ASB13: variants seen among roughly 807,000 people sequenced by gnomAD.
The protein encoded by ASB13 is ankyrin repeat and SOCS box containing 13.
A neutral mutation model predicts 28.8 loss-of-function variants in ASB13; 33 were observed. The observed-to-expected ratio is 1.15, with a 90% CI of 0.87 to 1.53. The LOEUF (loss-of-function observed/expected upper bound fraction) is 1.53. Ranked by LOEUF, ASB13 falls within the 40% of genes most tolerant of loss-of-function variation. The pLI, the probability that ASB13 is intolerant of heterozygous loss-of-function variation, is 0.00. For missense variants in ASB13, 414 were observed against 390.1 expected (o/e 1.06, Z -0.52); for synonymous variants, 182 against 172.9 (o/e 1.05, Z -0.41).
rs759157435 is a variant in ASB13, at chr10:5,641,982, A to G, written c.518-21T>C. On this transcript the variant is annotated intron_variant, in intron 4 of 5. Transcript: ENST00000357700. This position sits in a 1 kb window ranked among gnomAD's most constrained non-coding sequence, Gnocchi z 8.4. The stretch of plus-strand genomic sequence containing the variant: ...GGCCCCTGGAGGTCAAGAGTGCAGA[A>G]GAGATTTCACCAAGAAGAGAACTTG... The G allele has an allele frequency of 9.4e-6, 15 of 1,589,316 alleles. No homozygotes were observed. In the African/African-American group the frequency reaches 1.7e-4, roughly 18 times the overall value.
In ASB13 at chr10:5,641,887, TG is replaced by T. The variant is rs778600650; in HGVS notation, c.591del (p.Ile198SerfsTer43). 5 of 1,614,098 alleles carry T rather than the reference TG, an allele frequency of 3.1e-6. No individual in the cohort carries two copies. The South Asian group carries it at 5.5e-5, about 18-fold the overall frequency. On this transcript the variant is annotated frameshift_variant, in exon 5 of 6. Coordinates refer to ENST00000357700, the MANE Select transcript of ASB13 (RefSeq NM_024701.4). LOFTEE classifies it high-confidence loss of function. The surrounding 1 kb of genome is among the most constrained non-coding windows in gnomAD (Gnocchi z 8.4). ...CCGCCAAACTCGATAAGCATCTCGA[TG>T]AGGTCAACATTCTTGACCTTGGCCG... is the stretch of plus-strand genomic sequence containing the variant. ...HHAAKVKNVD[L>X]IEMLIEFGGN... is the part of the protein sequence containing the mutation.
Position 5,640,770 on chromosome 10 carries a change from C to T in ASB13, c.770G>A (p.Arg257Gln), listed in dbSNP as rs985893951. 8.7e-6 allele frequency: 14 copies of T among 1,613,992 alleles called. No homozygotes were observed. The African/African-American group carries it at 9.3e-5, about 11-fold the overall frequency. ...TAACTTGGCAATCTTCTCCAGCCCT[C>T]GGACGCCAGTGGCCTTCCTCAAGTT... ...RVNLRKATGV[R>Q]GLEKIAKLNI... The change falls in exon 6 of 6, where the codon CGA becomes CAA. Residue 257 changes from arginine to glutamine, a missense_variant. Physicochemically the swap from Arg to Gln is conservative, Grantham distance 43. Coordinates refer to ENST00000357700, the MANE Select transcript of ASB13 (RefSeq NM_024701.4).
chr10:5,658,843 G>A lies in ASB13; in HGVS notation c.44-5793C>T, dbSNP rs1466083447. On this transcript the variant is annotated intron_variant, in intron 1 of 5. Coordinates refer to ENST00000357700, the MANE Select transcript of ASB13 (RefSeq NM_024701.4). This position sits in a 1 kb window ranked among gnomAD's most constrained non-coding sequence, Gnocchi z 4.2. ...ATTTACAGTGGGGAAGGGAGGGATA[G>A]AAGGCTAGAGGACAGCAGGTGCCTG... Among the ~76,000 whole-genome samples, 1 of 152,192 alleles carries A rather than the reference G, an allele frequency of 6.6e-6. No homozygotes were observed. The highest frequency in any genetic ancestry group is 2.4e-5 in the African/African-American group (1 of 41,436).
intron 1 of ASB13, among the ~76,000 whole-genome samples, chr10:5,662,565 G>GGAGAGGAGAAGAGAAGAGAA (rs1835187934): frequency 1.4e-4 from 2 of 14,584 alleles, no homozygotes; most frequent in African/African-American, 7.7e-4. Flanking sequence ...GGAGGGGAGG[G>GGAGAGGAGAAGAGAAGAGAA]GAGAAGAGAA....
At position 5,664,467 on chromosome 10, in the gene ASB13, G is replaced by C. The variant is rs1200677044; in HGVS notation, c.43+2042C>G. Among the ~76,000 whole-genome samples the C allele has an allele frequency of 2.6e-5, 4 of 152,072 alleles. No individual in the cohort carries two copies. The highest frequency in any genetic ancestry group is 1.3e-4 in the Admixed American group (2 of 15,276). On this transcript the variant is annotated intron_variant, in intron 1 of 5. Coordinates refer to ENST00000357700, the MANE Select transcript of ASB13 (RefSeq NM_024701.4). This position sits in a 1 kb window ranked among gnomAD's most constrained non-coding sequence, Gnocchi z 4.2. ...AGAAAAGCAAGACATTACACAAAAA[G>C]AGAAACATAGTCCCCACATAGCAAG...
Position 5,641,236 on chromosome 10 carries a change from G to A in ASB13, c.710-406C>T, listed in dbSNP as rs1040111209. ...CCTGCCTCAACCTCCCGAGTAGCTG[G>A]GATTACAGGCACCCACCACCATGCC... On this transcript the variant is annotated intron_variant, in intron 5 of 5. Coordinates refer to ENST00000357700, the MANE Select transcript of ASB13 (RefSeq NM_024701.4). The surrounding 1 kb of genome is among the most constrained non-coding windows in gnomAD (Gnocchi z 8.4). Among the ~76,000 whole-genome samples the A allele has an allele frequency of 6.6e-6, 1 of 152,024 alleles. No individual in the cohort carries two copies. The highest frequency in any genetic ancestry group is 2.4e-5 in the African/African-American group (1 of 41,356).
Position 5,648,945 on chromosome 10 carries a change from C to A in ASB13, c.517+25G>T, listed in dbSNP as rs534755320. ...GGGCAAACACCCACTCAGGTAAACA[C>A]CCGCTCGGGCAAACACCCACTCACC... On this transcript the variant is annotated intron_variant, in intron 4 of 5. Coordinates refer to ENST00000357700, the MANE Select transcript of ASB13 (RefSeq NM_024701.4). The A allele has an allele frequency of 2.5e-5, 40 of 1,611,722 alleles. No individual in the cohort carries two copies. In the South Asian group the frequency reaches 3.3e-4, roughly 13 times the overall value.
In ASB13 at chr10:5,651,537, A is replaced by T. The variant is rs1452571995; in HGVS notation, c.232-174T>A. On this transcript the variant is annotated intron_variant, in intron 2 of 5. Coordinates refer to ENST00000357700, the MANE Select transcript of ASB13 (RefSeq NM_024701.4). The surrounding 1 kb of genome is among the most constrained non-coding windows in gnomAD (Gnocchi z 5.1). ...GATAGCACGTGGCTGCGGAGCACCGACGGCCTCCTGAGTAGAGAAGTCATC... is the reference window on the plus strand; with the variant it reads ...GATAGCACGTGGCTGCGGAGCACCGTCGGCCTCCTGAGTAGAGAAGTCATC... 4.5e-6 allele frequency: 3 copies of T among 666,422 alleles called. No individual in the cohort carries two copies. The highest frequency in any genetic ancestry group is 4.0e-5 in the South Asian group (2 of 49,814). The allele number at this position is 666,422 out of a possible 1,614,324, so 41.3% of individuals were successfully genotyped here. A position where few individuals can be genotyped will look rare whatever the true frequency, so the allele number is the denominator to read the frequency against.
In ASB13 at chr10:5,642,508, T is replaced by C. The variant is rs543517762; in HGVS notation, c.518-547A>G. On this transcript the variant is annotated intron_variant, in intron 4 of 5. Transcript: ENST00000357700. The surrounding 1 kb of genome is among the most constrained non-coding windows in gnomAD (Gnocchi z 4.1). ...AGGCAATTCAGAGAAGAGAGTAAGC[T>C]CTGCACTCCTCAACTTTCTCACGAT... 1,429 of 1,241,272 alleles carry C rather than the reference T, an allele frequency of 1.2e-3. No homozygotes were observed. The highest frequency in any genetic ancestry group is 1.4e-3 in the Non-Finnish European group (1,389 of 974,470). 76.9% of individuals were successfully genotyped at this position (1,241,272 alleles called of 1,614,324 possible). A position where few individuals can be genotyped will look rare whatever the true frequency, so the allele number is the denominator to read the frequency against.
rs187708800 is a variant in ASB13, at chr10:5,659,607, C to G, written c.44-6557G>C. ...CCCACCTTGCTTCCGGCTGAAATTCCTCGACTGAGGGGACCCCTGCTCCTT... is the reference window on the plus strand; with the variant it reads ...CCCACCTTGCTTCCGGCTGAAATTCGTCGACTGAGGGGACCCCTGCTCCTT... On this transcript the variant is annotated intron_variant, in intron 1 of 5. Coordinates refer to ENST00000357700, the MANE Select transcript of ASB13 (RefSeq NM_024701.4). This position sits in a 1 kb window ranked among gnomAD's most constrained non-coding sequence, Gnocchi z 5.8. Among the ~76,000 whole-genome samples, 1 of 152,138 alleles carries G rather than the reference C, an allele frequency of 6.6e-6. No individual in the cohort carries two copies. Among genetic ancestry groups the G allele is most frequent in the Non-Finnish European group, 1.5e-5 (1 of 68,008 alleles).
rs1835233428 is a variant in ASB13 at position 5,664,930 on chromosome 10, T to C, written c.43+1579A>G. Among the ~76,000 whole-genome samples, 2 of 151,868 alleles carry C rather than the reference T, an allele frequency of 1.3e-5. No homozygotes were observed. The highest frequency in any genetic ancestry group is 1.3e-4 in the Admixed American group (2 of 15,248). The stretch of plus-strand genomic sequence containing the variant: ...GGAGTGCAATGGCCCAATCTCGGCT[T>C]ACTGCAACCTCTGCCTTCCAGGTTC... On this transcript the variant is annotated intron_variant, in intron 1 of 5. Coordinates refer to ENST00000357700, the MANE Select transcript of ASB13 (RefSeq NM_024701.4). This position sits in a 1 kb window ranked among gnomAD's most constrained non-coding sequence, Gnocchi z 4.2.
chr10:5,648,484 A>ACTCAGGCAAACACCCC (rs1398439014), intron 4 of ASB13, among the ~76,000 whole-genome samples: 2 of 145,516 alleles, frequency 1.4e-5, no homozygotes, highest in Non-Finnish European at 3.0e-5. Context: ...GTAAACACCC[A>ACTCAGGCAAACACCCC]CTCGGGCAAA....
Position 5,649,177 on chromosome 10 carries a change from CA to C in ASB13, c.383-74del. 1 of 1,585,054 alleles carries C rather than the reference CA, an allele frequency of 6.3e-7. No homozygotes were observed. Among genetic ancestry groups the C allele is most frequent in the Non-Finnish European group, 8.6e-7 (1 of 1,164,248 alleles). ...GGAGACAACAAGCACACAGACGCGGCAGGGGCAGCAGCCTCCATCCTTGGTG... is the reference window on the plus strand; with the variant it reads ...GGAGACAACAAGCACACAGACGCGGCGGGGCAGCAGCCTCCATCCTTGGTG... On this transcript the variant is annotated intron_variant, in intron 3 of 5. Coordinates refer to ENST00000357700, the MANE Select transcript of ASB13 (RefSeq NM_024701.4). The surrounding 1 kb of genome is among the most constrained non-coding windows in gnomAD (Gnocchi z 6.4).
rs781109308 is a variant in ASB13, at chr10:5,652,952, C to G, written c.142G>C (p.Val48Leu). ...AGGGGCGTGATGGAGTCCACGGTGA[C>G]CTGGTTCACGCAGGCGCCGCTCTCG... ...LIESGACVNQ[V>L]TVDSITPLHA... is the part of the protein sequence containing the mutation. The change falls in exon 2 of 6, where the codon GTC becomes CTC. Residue 48 changes from valine to leucine, a missense_variant. Transcript: ENST00000357700. This position sits in a 1 kb window ranked among gnomAD's most constrained non-coding sequence, Gnocchi z 5.0. 6.3e-7 allele frequency: 1 copy of G among 1,577,670 alleles called. No homozygotes were observed. Among genetic ancestry groups the G allele is most frequent in the South Asian group, 1.2e-5 (1 of 85,900 alleles).
intron 1 of ASB13, among the ~76,000 whole-genome samples, chr10:5,653,401 C>T (rs1332784773): frequency 6.6e-6 from 1 of 152,368 alleles, no homozygotes. Flanking sequence ...CAATTGTCCA[C>T]TCTGCAATTT....
At position 5,655,416 on chromosome 10, in the gene ASB13, G is replaced by T. The variant is rs541305502; in HGVS notation, c.44-2366C>A. Among the ~76,000 whole-genome samples, 1 of 152,224 alleles carries T rather than the reference G, an allele frequency of 6.6e-6. No homozygotes were observed. The highest frequency in any genetic ancestry group is 6.5e-5 in the Admixed American group (1 of 15,286). On this transcript the variant is annotated intron_variant, in intron 1 of 5. Transcript: ENST00000357700. The surrounding 1 kb of genome is among the most constrained non-coding windows in gnomAD (Gnocchi z 6.2). ...TATGAACATTCAGTGAATTGAAATA[G>T]GTAGATGCACTTAAAGGGTGGGGCC... is the stretch of plus-strand genomic sequence containing the variant.
At position 5,641,830 on chromosome 10, in the gene ASB13, T is replaced by C. The variant is rs1834811667; in HGVS notation, c.649A>G (p.Lys217Glu). Reference protein sequence around the residue: ...NIYARDNRGKKPSDYTWSSSA... With the variant: ...NIYARDNRGKEPSDYTWSSSA... ...CTGCTCCACGTGTAGTCAGACGGCT[T>C]CTTCCCGCGGTTGTCCCGGGCGTAG... The change falls in exon 5 of 6, where the codon AAG (lysine) becomes GAG (glutamate). Residue 217 changes from lysine to glutamate, a missense_variant. Lys to Glu is a moderately conservative substitution (Grantham distance 56). Coordinates refer to ENST00000357700, the MANE Select transcript of ASB13 (RefSeq NM_024701.4). The surrounding 1 kb of genome is among the most constrained non-coding windows in gnomAD (Gnocchi z 8.4). 6.2e-7 allele frequency: 1 copy of C among 1,613,102 alleles called. No homozygotes were observed. Among genetic ancestry groups the C allele is most frequent in the Non-Finnish European group, 8.5e-7 (1 of 1,179,718 alleles).
intron 4 of ASB13, among the ~76,000 whole-genome samples, chr10:5,646,640 C>G (rs917069206): frequency 2.0e-5 from 3 of 152,238 alleles, no homozygotes; most frequent in African/African-American, 7.2e-5. Flanking sequence ...CCTGAAGTCA[C>G]CTGAACTAGA....
rs549752963 is a variant in ASB13, at chr10:5,639,596, T to C, written c.*1107A>G. The C allele has an allele frequency of 2.0e-5, 3 of 152,352 alleles. No individual in the cohort carries two copies. The East Asian group carries it at 5.8e-4, about 29-fold the overall frequency. The allele number at this position is 152,352 out of a possible 1,614,324, so 9.4% of individuals were successfully genotyped here. A position where few individuals can be genotyped will look rare whatever the true frequency, so the allele number is the denominator to read the frequency against. ...GCTACCGAATGCTCCACCTATGGCT[T>C]ATAATGCAGAACGACCTGTTTCTAT... On this transcript the variant is annotated 3_prime_UTR_variant, in exon 6 of 6. Transcript: ENST00000357700.
Sources: allele counts gnomAD v4.1 joint callset (sites outside exome capture counted in the v4.1 genomes callset), GRCh38; gene constraint gnomAD v4.1.1; non-coding constraint Gnocchi (gnomAD v3.1); transcripts MANE v1.5; gene names NCBI Gene and HGNC (gene_info 2026-07-23, HGNC 2026-07-21).